SFXN3: variants seen among roughly 807,000 people sequenced by gnomAD.
The protein encoded by SFXN3 is sideroflexin 3, also known as sideroflexin-3.
Under a neutral mutation model 40.4 loss-of-function variants are expected in SFXN3, and 31 were observed. The ratio of observed to expected loss-of-function variants is 0.77; its 90% CI spans 0.58 to 1.04. The LOEUF (loss-of-function observed/expected upper bound fraction) is 1.04, where lower values mean the gene tolerates loss of function less well. SFXN3 is among the 50% of genes least tolerant of loss of function. The pLI, the probability that SFXN3 is intolerant of heterozygous loss-of-function variation, is 0.00. For missense variants in SFXN3, 366 were observed against 408.2 expected, an observed-to-expected ratio of 0.90 and a Z score of 0.89; for synonymous variants, 157 against 160.0, an observed-to-expected ratio of 0.98 and a Z score of 0.14.
chr10:101,035,752 GGT>G, intron 4 of SFXN3, 85 bp downstream of exon 4: 1 of 1,512,192 alleles, frequency 6.6e-7, no homozygotes, highest in Non-Finnish European at 8.9e-7. Flanking sequence ...GGGCCAACTG[GGT>G]GAGTGAAAGA....
intron 8 of SFXN3, 48 bp from the exon 9 acceptor site, chr10:101,037,334 T>C: frequency 1.2e-6 from 2 of 1,614,070 alleles, no homozygotes; most frequent in Non-Finnish European, 1.7e-6. Context: ...GTTCCTGACT[T>C]TAACTCCACT....
chr10:101,035,920 G>T, intron 4 of SFXN3, 83 bp from the exon 5 acceptor site: 1 of 1,360,332 alleles, frequency 7.4e-7, no homozygotes, highest in Non-Finnish European at 1.1e-6. Flanking sequence ...TAGGCTTGGG[G>T]AATAACCTTT....
At chr10:101,031,690 C>T (rs1177419876) in intron 1 of SFXN3, among the ~76,000 whole-genome samples, 156 bp downstream of exon 1, 1 of 152,282 alleles carries the variant, frequency 6.6e-6, no homozygotes, top group South Asian at 2.1e-4. Flanking sequence ...CCTTCTGATG[C>T]ACTTGCTCGG....
At chr10:101,033,859 G>A (rs1938450473) in intron 2 of SFXN3, among the ~76,000 whole-genome samples, 1 of 152,124 alleles carries the variant, frequency 6.6e-6, no homozygotes, top group South Asian at 2.1e-4. Flanking sequence ...AGATGTGCAT[G>A]TAAGCCAGAT....
In SFXN3 at chr10:101,039,564, C is replaced by G. The variant is rs1307664805; in HGVS notation, c.945C>G (p.Val315=). 4 of 1,614,082 alleles carry G rather than the reference C, an allele frequency of 2.5e-6. No individual in the cohort carries two copies. The highest frequency in any genetic ancestry group is 3.4e-6 in the Non-Finnish European group (4 of 1,179,966). Residue 315 remains valine (V), a synonymous_variant, in exon 12 of 12, where the codon GTC becomes GTG. Coordinates refer to ENST00000393459, the Ensembl canonical transcript of SFXN3. The surrounding 1 kb of genome is among the most constrained non-coding windows in gnomAD (Gnocchi z 4.6). ...AGCAAAACCCCAGCGTTGAAGTGGT[C>G]TACTACAACAAGGGGCTTTGAGGAG... is the stretch of plus-strand genomic sequence containing the variant.
chr10:101,032,168 C>T (rs937553672), intron 1 of SFXN3, 146 bp from the exon 2 acceptor site: 3 of 359,618 alleles, frequency 8.3e-6, no homozygotes, highest in Non-Finnish European at 1.5e-5. Flanking sequence ...GGAGCAGCGC[C>T]CGCGGCTCCA....
exon 12 of SFXN3, chr10:101,040,272 G>A (rs1371959974): frequency 2.0e-5 from 3 of 152,536 alleles, no homozygotes; most frequent in East Asian, 1.9e-4. Context: ...TACTGCCCTC[G>A]CTGTCTCCCC....
At position 101,039,344 on chromosome 10, in the gene SFXN3, G is replaced by T; in HGVS notation, c.869+122G>T. The T allele has an allele frequency of 8.3e-7, 1 of 1,197,812 alleles. No individual in the cohort carries two copies. The highest frequency in any genetic ancestry group is 1.2e-6 in the Non-Finnish European group (1 of 814,606). The allele number at this position is 1,197,812 out of a possible 1,614,324, so 74.2% of individuals were successfully genotyped here. A position where few individuals can be genotyped will look rare whatever the true frequency, so the allele number is the denominator to read the frequency against. On this transcript the variant is annotated intron_variant, in intron 11 of 11. Transcript: ENST00000393459. This position sits in a 1 kb window ranked among gnomAD's most constrained non-coding sequence, Gnocchi z 4.6. ...CCTGGCAGGCACTCCACTGATTCTG[G>T]GAGTGGGGGAATGACAGTGAGCCAG...
At chr10:101,034,628 T>C in intron 2 of SFXN3, 64 bp from the exon 3 acceptor site, 1 of 1,569,032 alleles carries the variant, frequency 6.4e-7, no homozygotes, top group Non-Finnish European at 8.7e-7. Flanking sequence ...GCACCAAAGA[T>C]TTCCCCTAGC....
rs776820902 is a variant in SFXN3 at position 101,037,251 on chromosome 10, A to G, written c.721+48A>G. The G allele has an allele frequency of 3.1e-6, 5 of 1,613,386 alleles. No individual in the cohort carries two copies. In the African/African-American group the frequency reaches 6.7e-5, roughly 22 times the overall value. ...GGGCATAGGAGACTCTGAGAGAAGC[A>G]GGTGCAGTTCTCAGGGACTTTGGAG... On this transcript the variant is annotated intron_variant, in intron 8 of 11. Transcript: ENST00000393459.
chr10:101,035,564 G>A (rs749797221), exon 4 of SFXN3: 69 of 1,613,920 alleles, frequency 4.3e-5, no homozygotes, highest in Non-Finnish European at 5.8e-5. Flanking sequence ...GTATGACTCC[G>A]CCTTCCATCC....
chr10:101,034,224 C>G (rs1054073488), intron 2 of SFXN3, among the ~76,000 whole-genome samples: 2 of 152,116 alleles, frequency 1.3e-5, no homozygotes, highest in African/African-American at 4.8e-5. Flanking sequence ...GGCAGAAGTC[C>G]CTGTGGCTTT....
rs771913854 is a variant in SFXN3, at chr10:101,039,622, G to C, written c.*37G>C. On this transcript the variant is annotated 3_prime_UTR_variant, in exon 12 of 12. Coordinates refer to ENST00000393459, the Ensembl canonical transcript of SFXN3. The surrounding 1 kb of genome is among the most constrained non-coding windows in gnomAD (Gnocchi z 4.6). Reference sequence around the variant, plus strand: ...CTCTGTCCCCTCCCTCACTTCCTTGGGCTGCTGCTTTAGTGGAGTCATGTC... The same window carrying C: ...CTCTGTCCCCTCCCTCACTTCCTTGCGCTGCTGCTTTAGTGGAGTCATGTC... 1.3e-6 allele frequency: 2 copies of C among 1,592,540 alleles called. No individual in the cohort carries two copies. The highest frequency in any genetic ancestry group is 1.1e-5 in the South Asian group (1 of 90,652).
At chr10:101,035,390 A>T in intron 3 of SFXN3, 107 bp from the exon 4 acceptor site, 1 of 1,328,046 alleles carries the variant, frequency 7.5e-7, no homozygotes, top group Non-Finnish European at 1.0e-6. Context: ...CTGGGGGCTG[A>T]AGTTCCTGGT....
intron 2 of SFXN3, among the ~76,000 whole-genome samples, chr10:101,033,350 T>C (rs1175499649): frequency 6.6e-6 from 1 of 152,206 alleles, no homozygotes; most frequent in Non-Finnish European, 1.5e-5. Context: ...TTGTTGCTGC[T>C]TATGTGTCAA....
At chr10:101,037,250 C>T (rs534717203) in intron 8 of SFXN3, 47 bp downstream of exon 8, 1 of 1,613,322 alleles carries the variant, frequency 6.2e-7, no homozygotes, top group African/African-American at 1.3e-5. Context: ...CTGAGAGAAG[C>T]AGGTGCAGTT....
Position 101,039,410 on chromosome 10 carries a change from G to A in SFXN3, c.870-79G>A, listed in dbSNP as rs540781299. On this transcript the variant is annotated intron_variant, in intron 11 of 11. Transcript: ENST00000393459. This position sits in a 1 kb window ranked among gnomAD's most constrained non-coding sequence, Gnocchi z 4.6. ...AAGGAGAGGATTTTTCAGCCTGGGA[G>A]GAGGTGGGATGGCAATCCCTGGGCC... 6.6e-6 allele frequency: 9 copies of A among 1,368,546 alleles called. No homozygotes were observed. In the South Asian group the frequency reaches 1.0e-4, roughly 16 times the overall value. The allele number at this position is 1,368,546 out of a possible 1,614,324, so 84.8% of individuals were successfully genotyped here.
chr10:101,032,336 C>A, exon 2 of SFXN3: 1 of 1,077,382 alleles, frequency 9.3e-7, no homozygotes, highest in Non-Finnish European at 1.3e-6. Flanking sequence ...CCCGTGCCCA[C>A]CGGGTGGGCG....
intron 2 of SFXN3, 119 bp downstream of exon 2, chr10:101,032,601 C>T: frequency 8.5e-7 from 1 of 1,173,264 alleles, no homozygotes; most frequent in African/African-American, 1.6e-5. Flanking sequence ...AGGTCCAAGT[C>T]CACAGGGCAC....
Sources: gnomAD v4.1 joint callset for allele counts (sites outside exome capture counted in the v4.1 genomes callset) on GRCh38, gnomAD v4.1.1 for gene constraint, Gnocchi (gnomAD v3.1) non-coding constraint, MANE v1.5 for transcripts, NCBI Gene and HGNC (gene_info 2026-07-23, HGNC 2026-07-21) for gene names.